Variants in SHISAL1 observed in about 807,000 individuals in gnomAD.
SHISAL1 encodes protein shisa-like-1.
In SHISAL1, 9 loss-of-function variants were observed where a neutral mutation model predicts 22.6. That is an observed-to-expected ratio of 0.40 (90% CI 0.24 to 0.70). The LOEUF is 0.70. SHISAL1 is among the 30% of genes least tolerant of loss of function. SHISAL1 has a pLI of 0.39. For missense variants in SHISAL1, 246 were observed against 270.6 expected, an observed-to-expected ratio of 0.91 and a Z score of 0.64; for synonymous variants, 119 against 115.4, an observed-to-expected ratio of 1.03 and a Z score of -0.20.
Position 44,291,820 on chromosome 22 carries a change from C to T in SHISAL1, c.281+4852G>A, listed in dbSNP as rs556950480. On this transcript the variant is annotated intron_variant, in intron 3 of 4. Transcript: ENST00000381176. ...ATCCCCTGCACGCCCTGGCCCACCG[C>T]GACCCCCACACGGAGGCTTCCACAG... is the stretch of plus-strand genomic sequence containing the variant. 1.1e-4 allele frequency among the ~76,000 whole-genome samples: 16 copies of T among 151,184 alleles called. No homozygotes were observed. The South Asian group carries it at 1.9e-3, about 18-fold the overall frequency.
chr22:44,261,371 T>G (rs2055123339), intron 4 of SHISAL1, among the ~76,000 whole-genome samples: 1 of 151,938 alleles, frequency 6.6e-6, no homozygotes, highest in Admixed American at 6.6e-5. Flanking sequence ...AAGACCTCAC[T>G]CACTGGGCGC....
chr22:44,252,593 T>G (rs191724144), intron 4 of SHISAL1, among the ~76,000 whole-genome samples: 1 of 143,526 alleles, frequency 7.0e-6, no homozygotes. Context: ...GCATCTGCCA[T>G]ATCAGTAAAT....
At chr22:44,326,733 T>C in the SHISAL1 span, among the ~76,000 whole-genome samples, 2 of 152,122 alleles carry the variant, frequency 1.3e-5, no homozygotes, top group African/African-American at 2.4e-5. Flanking sequence ...CTGGGGGGTA[T>C]GGGCTGTCGA....
At chr22:44,296,220 G>A (rs1157005255) in intron 3 of SHISAL1, among the ~76,000 whole-genome samples, 2 of 145,624 alleles carry the variant, frequency 1.4e-5, no homozygotes, top group South Asian at 2.2e-4. Context: ...GTGCAATGGC[G>A]CCATCTCTGC....
intron 3 of SHISAL1, among the ~76,000 whole-genome samples, chr22:44,286,969 C>T (rs1054710738): frequency 3.4e-5 from 5 of 149,038 alleles, no homozygotes; most frequent in African/African-American, 1.3e-4. Flanking sequence ...AGTGTCCGGC[C>T]TGTACACGCC....
At chr22:44,259,674 T>C (rs2055108956) in intron 4 of SHISAL1, among the ~76,000 whole-genome samples, 1 of 152,028 alleles carries the variant, frequency 6.6e-6, no homozygotes, top group Non-Finnish European at 1.5e-5. Context: ...AAAAGGACTT[T>C]GGGTTGCATT....
chr22:44,308,616 C>A (rs1004209943), intron 1 of SHISAL1, among the ~76,000 whole-genome samples: 1 of 152,218 alleles, frequency 6.6e-6, no homozygotes, highest in African/African-American at 2.4e-5. Flanking sequence ...TGACTTCCCC[C>A]GTCCCCAGGG....
chr22:44,322,670 C>A, the SHISAL1 span, among the ~76,000 whole-genome samples: 4 of 152,172 alleles, frequency 2.6e-5, no homozygotes, highest in Non-Finnish European at 5.9e-5. Context: ...GGAGTCACAG[C>A]CTGAACTCGG....
upstream of SHISAL1, among the ~76,000 whole-genome samples, chr22:44,315,713 C>T (rs1025778013): frequency 8.5e-5 from 13 of 152,196 alleles, no homozygotes; most frequent in African/African-American, 2.9e-4. Flanking sequence ...GGGTCACCTG[C>T]CTCGAGGAGG....
At chr22:44,250,958 C>A (rs139596818) in intron 4 of SHISAL1, among the ~76,000 whole-genome samples, 5 of 152,222 alleles carry the variant, frequency 3.3e-5, no homozygotes, top group African/African-American at 7.2e-5. Context: ...TACTCTCCAC[C>A]CTTTGCATTA....
At chr22:44,252,217 T>C (rs2055052700) in intron 4 of SHISAL1, among the ~76,000 whole-genome samples, 1 of 152,142 alleles carries the variant, frequency 6.6e-6, no homozygotes, top group African/African-American at 2.4e-5. Context: ...GTTGGGGGTC[T>C]AAAGAATTGC....
At chr22:44,289,001 C>T (rs887885422) in intron 3 of SHISAL1, among the ~76,000 whole-genome samples, 1 of 152,266 alleles carries the variant, frequency 6.6e-6, no homozygotes, top group Non-Finnish European at 1.5e-5. Context: ...GACACCAACA[C>T]ATACTGACAG....
chr22:44,260,753 C>CT (rs1165912807), intron 4 of SHISAL1, among the ~76,000 whole-genome samples: 1 of 152,218 alleles, frequency 6.6e-6, no homozygotes, highest in Non-Finnish European at 1.5e-5. Context: ...CTCCTCACTC[C>CT]TTTTTGCTGC....
chr22:44,298,645 C>G (rs1243397938), intron 2 of SHISAL1, among the ~76,000 whole-genome samples: 1 of 152,234 alleles, frequency 6.6e-6, no homozygotes, highest in East Asian at 1.9e-4. Flanking sequence ...GGCCCTGGGA[C>G]CAGCCCGTGA....
rs114227842 is a variant in SHISAL1 at position 44,294,873 on chromosome 22, C to T, written c.281+1799G>A. Among the ~76,000 whole-genome samples, 1,081 of 152,098 alleles carry T rather than the reference C, an allele frequency of 7.1e-3. 20 individuals carry two copies. Among genetic ancestry groups the T allele is most frequent in the African/African-American group, 0.025 (1,024 of 41,482 alleles). ...AACAGCAACATAAAAAGAAATAACT[C>T]GAAATAAATGCAAAATATATGTCTA... On this transcript the variant is annotated intron_variant, in intron 3 of 4. Coordinates refer to ENST00000381176, the MANE Select transcript of SHISAL1 (RefSeq NM_001099294.2).
chr22:44,277,507 T>C (rs895491693), intron 4 of SHISAL1, among the ~76,000 whole-genome samples: 1 of 143,898 alleles, frequency 6.9e-6, no homozygotes, highest in Non-Finnish European at 1.6e-5. Context: ...GTGGGGCTAT[T>C]CAAACCGAGG....
chr22:44,308,517 G>A (rs562309282), intron 1 of SHISAL1, among the ~76,000 whole-genome samples: 8 of 152,274 alleles, frequency 5.3e-5, no homozygotes, highest in South Asian at 4.1e-4. Context: ...CTCCAAAGCC[G>A]TAGCCTGGAG....
intron 4 of SHISAL1, among the ~76,000 whole-genome samples, chr22:44,260,689 G>T (rs2055115816): frequency 6.6e-6 from 1 of 152,246 alleles, no homozygotes. Context: ...CCACAGTCTG[G>T]CCTTCTTGGC....
In SHISAL1 at chr22:44,296,760, T is replaced by C; in HGVS notation, c.193A>G (p.Thr65Ala). The C allele has an allele frequency of 1.2e-6, 2 of 1,614,072 alleles. No individual in the cohort carries two copies. The highest frequency in any genetic ancestry group is 1.7e-6 in the Non-Finnish European group (2 of 1,180,022). Residue 65 changes from threonine to alanine, a missense_variant, in exon 3 of 5, where the codon ACG becomes GCG. Around this residue, in one of 2 missense-constraint regions of SHISAL1, gnomAD observed 110 missense variants for 153.1 expected, o/e 0.72. Transcript: ENST00000381176. ...TCGTTGCAGCAGTATTTGAAGACCG[T>C]GTTGTTATGGTGACAACAGAGGATG... The part of the protein sequence containing the change: ...TFILCCHHNN[T>A]VFKYCCNETE...
Sources: allele counts gnomAD v4.1 joint callset (sites outside exome capture counted in the v4.1 genomes callset), GRCh38; gene constraint gnomAD v4.1.1; regional missense constraint gnomAD v4.1.1; transcripts MANE v1.5; gene names NCBI Gene and HGNC (gene_info 2026-07-23, HGNC 2026-07-21).